POLR2F: variants seen among roughly 807,000 people sequenced by gnomAD.
The protein encoded by POLR2F is DNA-directed RNA polymerases I, II, and III subunit RPABC2.
In POLR2F, 12 loss-of-function variants were observed where a neutral mutation model predicts 22.7. That is an observed-to-expected ratio of 0.53 (90% CI 0.34 to 0.86). POLR2F has a LOEUF of 0.86. Among genes scored for constraint, POLR2F ranks in the 40% least tolerant of loss-of-function variants. POLR2F has a pLI of 0.02. For missense variants in POLR2F, 126 were observed against 171.5 expected, an observed-to-expected ratio of 0.73 and a Z score of 1.48; for synonymous variants, 57 against 66.0, an observed-to-expected ratio of 0.86 and a Z score of 0.66.
rs1236630536 is a variant in POLR2F, at chr22:37,960,542, C to T, written c.221+1066C>T. Among the ~76,000 whole-genome samples the T allele has an allele frequency of 4.0e-5, 6 of 151,652 alleles. No individual in the cohort carries two copies. In the East Asian group the frequency reaches 6.0e-4, roughly 15 times the overall value. ...CCTCCAGAGTAGCTGGGACTACAGG[C>T]GCCCGCCACCGTGCCCAGCTAGCTT... On this transcript the variant is annotated intron_variant, in intron 3 of 4. Coordinates refer to ENST00000442738, the MANE Select transcript of POLR2F (RefSeq NM_021974.5).
chr22:37,986,542 G>A lies in POLR2F; in HGVS notation c.120+230G>A. The A allele has an allele frequency of 9.6e-7, 1 of 1,042,618 alleles. No individual in the cohort carries two copies. The highest frequency in any genetic ancestry group is 1.4e-6 in the Non-Finnish European group (1 of 697,042). 64.6% of individuals were successfully genotyped at this position (1,042,618 alleles called of 1,614,324 possible). A position where few individuals can be genotyped will look rare whatever the true frequency, so the allele number is the denominator to read the frequency against. Reference sequence around the variant, plus strand: ...CTTGGTCCAGCTGTGCCAGGATGGGGGTGGGGGTAGCAGTGGGCACGCTCT... The same window carrying A: ...CTTGGTCCAGCTGTGCCAGGATGGGAGTGGGGGTAGCAGTGGGCACGCTCT... On this transcript the variant is annotated intron_variant, in intron 1 of 2. Coordinates refer to the POLR2F transcript ENST00000333418. This position sits in a 1 kb window ranked among gnomAD's most constrained non-coding sequence, Gnocchi z 4.7.
rs1931530746 is a variant in POLR2F at position 37,959,343 on chromosome 22, C to T, written c.91-3C>T. ...TTTCCCTCTTTTTTGTCTTGGTGTC[C>T]AGGAAGGCCAGGAGAATGTCGAGAT... On this transcript the variant is annotated splice_region_variant and splice_polypyrimidine_tract_variant and intron_variant, in intron 2 of 4. Coordinates refer to ENST00000442738, the MANE Select transcript of POLR2F (RefSeq NM_021974.5). The T allele has an allele frequency of 6.2e-7, 1 of 1,612,982 alleles. No homozygotes were observed. Among genetic ancestry groups the T allele is most frequent in the South Asian group, 1.1e-5 (1 of 90,896 alleles).
At position 38,011,226 on chromosome 22, in the gene POLR2F, C is replaced by T. The variant is rs1047702741; in HGVS notation, c.121-14643C>T. Among the ~76,000 whole-genome samples, 8 of 152,126 alleles carry T rather than the reference C, an allele frequency of 5.3e-5. No homozygotes were observed. The East Asian group carries it at 1.4e-3, about 26-fold the overall frequency. The stretch of plus-strand genomic sequence containing the variant: ...AAGTGATCCTCCCACCTCAGCCTCC[C>T]GAGTAGCTGGGACTATAGGCATTCG... On this transcript the variant is annotated intron_variant, in intron 1 of 2. Coordinates refer to the POLR2F transcript ENST00000333418.
chr22:38,001,589 A>G lies in POLR2F; in HGVS notation c.120+15277A>G, dbSNP rs570970692. 4.0e-5 allele frequency among the ~76,000 whole-genome samples: 6 copies of G among 151,752 alleles called. No individual in the cohort carries two copies. In the East Asian group the frequency reaches 7.8e-4, roughly 20 times the overall value. On this transcript the variant is annotated intron_variant, in intron 1 of 2. Coordinates refer to the POLR2F transcript ENST00000333418. ...ATTCTGTTGCCCAGGCTGGAGTGCT[A>G]TGGTATAATGTCGGCTCACTGCAAC...
At chr22:37,993,649 T>A (rs1360281352) in intron 1 of POLR2F, among the ~76,000 whole-genome samples, 1 of 152,082 alleles carries the variant, frequency 6.6e-6, no homozygotes, top group Non-Finnish European at 1.5e-5. Flanking sequence ...TTCCCATGCC[T>A]CAATCTCCTG....
At chr22:37,954,793 C>T (rs1287910145) in intron 1 of POLR2F, among the ~76,000 whole-genome samples, 2 of 152,104 alleles carry the variant, frequency 1.3e-5, no homozygotes, top group Non-Finnish European at 2.9e-5. Context: ...GGATTGCTAC[C>T]CCATTCCCAG....
chr22:38,026,927 C>T (rs1333443573), downstream of POLR2F, among the ~76,000 whole-genome samples: 2 of 152,120 alleles, frequency 1.3e-5, no homozygotes, highest in Non-Finnish European at 2.9e-5. Context: ...CCCCAGCTCC[C>T]CCTCCCAGCT....
chr22:37,999,427 CTG>C (rs2145797114), intron 1 of POLR2F, among the ~76,000 whole-genome samples: 1 of 152,282 alleles, frequency 6.6e-6, no homozygotes, highest in Admixed American at 6.5e-5. Context: ...CCTGTGGTCA[CTG>C]AGGACCAGCA....
upstream of POLR2F, chr22:37,983,804 G>A (rs1410254294): frequency 4.2e-6 from 6 of 1,419,214 alleles, no homozygotes; most frequent in Admixed American, 2.6e-5. The surrounding 1 kb of genome is among the most constrained non-coding windows in gnomAD (Gnocchi z 9.5). Flanking sequence ...GGCCGCCGCC[G>A]CCGCCGCCTC....
intron 1 of POLR2F, among the ~76,000 whole-genome samples, chr22:38,002,754 C>T (rs2084784264): frequency 6.6e-6 from 1 of 151,596 alleles, no homozygotes; most frequent in African/African-American, 2.4e-5. Context: ...GAGACGGAGT[C>T]TTGCTCTATC....
chr22:37,953,932 C>A, intron 1 of POLR2F, 125 bp downstream of exon 1: 2 of 1,173,458 alleles, frequency 1.7e-6, no homozygotes, highest in Non-Finnish European at 2.4e-6. Context: ...CCTGAGGGGG[C>A]CGGCGGAGCC....
At chr22:37,981,307 A>G (rs1932388916), upstream of POLR2F, among the ~76,000 whole-genome samples, 1 of 152,012 alleles carries the variant, frequency 6.6e-6, no homozygotes. Flanking sequence ...GTCTCTCAGG[A>G]CCCCCCTCCA....
rs1168594476 is a variant in POLR2F at position 37,969,198 on chromosome 22, G to A, written c.*1483G>A. ...GAGTGCAAGGGAAATGGGACAGAAG[G>A]GGTGTTTTTCCTCCTGTCTTCCTCT... is the stretch of plus-strand genomic sequence containing the variant. On this transcript the variant is annotated 3_prime_UTR_variant, in exon 5 of 5. Coordinates refer to ENST00000442738, the MANE Select transcript of POLR2F (RefSeq NM_021974.5). 9.1e-6 allele frequency: 9 copies of A among 985,236 alleles called. No individual in the cohort carries two copies. Among genetic ancestry groups the A allele is most frequent in the Non-Finnish European group, 1.1e-5 (9 of 829,916 alleles). The allele number at this position is 985,236 out of a possible 1,614,324, so 61.0% of individuals were successfully genotyped here.
rs1931229664 is a variant in POLR2F at position 37,953,773 on chromosome 22, T to A, written c.-15T>A. On this transcript the variant is annotated 5_prime_UTR_variant, in exon 1 of 5. Coordinates refer to ENST00000442738, the MANE Select transcript of POLR2F (RefSeq NM_021974.5). ...CGGGACCGGGGCGCAGCGGGGTCGC[T>A]GAGGCGAGGGTGTCATGTCAGACAA... The A allele has an allele frequency of 6.2e-7, 1 of 1,607,788 alleles. No homozygotes were observed. Among genetic ancestry groups the A allele is most frequent in the South Asian group, 1.1e-5 (1 of 90,070 alleles).
At chr22:37,982,871 TC>T (rs1483761377), upstream of POLR2F, among the ~76,000 whole-genome samples, 11 of 152,170 alleles carry the variant, frequency 7.2e-5, no homozygotes, top group Non-Finnish European at 1.3e-4. Context: ...CCCTCACTCT[TC>T]CAAAGACTCT....
chr22:38,037,208 G>A (rs916594990), intron 5 of POLR2F, among the ~76,000 whole-genome samples: 2 of 151,156 alleles, frequency 1.3e-5, no homozygotes, highest in Non-Finnish European at 2.9e-5. Context: ...GTTTGTGGAA[G>A]GAAGGAAGGA....
At chr22:38,009,996 G>A (rs2084857043) in intron 1 of POLR2F, among the ~76,000 whole-genome samples, 1 of 152,178 alleles carries the variant, frequency 6.6e-6, no homozygotes, top group Non-Finnish European at 1.5e-5. Flanking sequence ...TGTACAAGTT[G>A]TGTGGACATA....
At chr22:38,005,238 C>G (rs2084810576) in intron 1 of POLR2F, among the ~76,000 whole-genome samples, 1 of 152,204 alleles carries the variant, frequency 6.6e-6, no homozygotes, top group Non-Finnish European at 1.5e-5. Flanking sequence ...GTCCTTCACT[C>G]CAGCCTCCCG....
chr22:38,027,676 G>C (rs1003848229), downstream of POLR2F, among the ~76,000 whole-genome samples: 1 of 152,100 alleles, frequency 6.6e-6, no homozygotes, highest in Non-Finnish European at 1.5e-5. Flanking sequence ...TCATATGCAC[G>C]TGTGCACACA....
Sources: gnomAD v4.1 joint callset for allele counts (sites outside exome capture counted in the v4.1 genomes callset) on GRCh38, gnomAD v4.1.1 for gene constraint, Gnocchi (gnomAD v3.1) non-coding constraint, MANE v1.5 for transcripts, NCBI Gene and HGNC (gene_info 2026-07-23, HGNC 2026-07-21) for gene names.